Variants in NELL2 observed in about 807,000 individuals in gnomAD.
The protein encoded by NELL2 is protein kinase C-binding protein NELL2.
In NELL2, 41 loss-of-function variants were observed where a neutral mutation model predicts 109.6. The observed-to-expected ratio is 0.37, with a 90% CI of 0.29 to 0.49. The LOEUF is 0.49. NELL2 is among the 20% of genes least tolerant of loss of function. The pLI, the probability that NELL2 is intolerant of heterozygous loss-of-function variation, is 0.98. For missense variants in NELL2, 900 were observed against 1,008.3 expected, an observed-to-expected ratio of 0.89 and a Z score of 1.45; for synonymous variants, 355 against 344.7, an observed-to-expected ratio of 1.03 and a Z score of -0.33.
intron 3 of NELL2, among the ~76,000 whole-genome samples, chr12:44,792,833 C>T (rs138883700): frequency 0.014 from 2,197 of 152,216 alleles, 52 homozygotes; most frequent in African/African-American, 0.05. Context: ...CTACCAACAC[C>T]TTAAATGTGC....
intron 13 of NELL2, among the ~76,000 whole-genome samples, chr12:44,624,975 C>T (rs1169837211): frequency 8.2e-6 from 1 of 121,592 alleles, no homozygotes; most frequent in African/African-American, 3.0e-5. Flanking sequence ...GAGAAGATGA[C>T]AAATATATAT....
intron 2 of NELL2, among the ~76,000 whole-genome samples, chr12:44,833,005 T>C (rs1943933481): frequency 6.6e-6 from 1 of 152,214 alleles, no homozygotes; most frequent in Non-Finnish European, 1.5e-5. Flanking sequence ...AAATAATTAC[T>C]AACTGAATGC....
chr12:44,585,328 G>T (rs747900048), intron 15 of NELL2, among the ~76,000 whole-genome samples: 1 of 152,098 alleles, frequency 6.6e-6, no homozygotes, highest in South Asian at 2.1e-4. Context: ...GAGGCTGGGC[G>T]CAGTGGCTCA....
chr12:44,768,397 A>G (rs1024176824), intron 9 of NELL2, among the ~76,000 whole-genome samples: 4 of 152,118 alleles, frequency 2.6e-5, no homozygotes, highest in Admixed American at 2.0e-4. Flanking sequence ...CTCTCTTTAA[A>G]AATTTAGCTA....
chr12:44,570,431 G>A (rs970396075), intron 15 of NELL2, among the ~76,000 whole-genome samples: 16 of 152,202 alleles, frequency 1.1e-4, no homozygotes, highest in South Asian at 6.2e-4. Context: ...CTCCTATTAC[G>A]TGGCCAGTTT....
rs531987318 is a variant in NELL2, at chr12:44,901,415, C to G, written c.38+12384G>C. 3.3e-5 allele frequency among the ~76,000 whole-genome samples: 5 copies of G among 152,234 alleles called. No individual in the cohort carries two copies. In the East Asian group the frequency reaches 9.7e-4, roughly 29 times the overall value. ...AATTGAGGCAGTAATTAATAGCCTA[C>G]AAACAAAAACCAGCCTAGAACCAGA... On this transcript the variant is annotated intron_variant, in intron 1 of 20. Transcript: ENST00000333837.
chr12:44,895,721 T>C (rs995472945), intron 1 of NELL2, among the ~76,000 whole-genome samples: 1 of 152,114 alleles, frequency 6.6e-6, no homozygotes, highest in Non-Finnish European at 1.5e-5. Flanking sequence ...AAATCATATA[T>C]CACCCCCTAA....
At chr12:44,819,058 A>T (rs1372938316) in intron 2 of NELL2, among the ~76,000 whole-genome samples, 3 of 152,078 alleles carry the variant, frequency 2.0e-5, no homozygotes, top group African/African-American at 4.8e-5. Flanking sequence ...CTTATTTTTT[A>T]ATTTTGTTCT....
chr12:44,508,942 C>G lies in NELL2; in HGVS notation c.2443G>C (p.Glu815Gln). ...CCSVDPQCLQ[E>Q]L ...CCATGAGACAGTTAACTTCACAGTT[C>G]CTGAAGGCACTGTGGATCCACTGAG... Residue 815 changes from glutamate to glutamine, a missense_variant, in exon 20 of 20, where the codon GAA (glutamate) becomes CAA (glutamine). Coordinates refer to ENST00000429094, the MANE Select transcript of NELL2 (RefSeq NM_001145108.2). The G allele has an allele frequency of 6.2e-7, 1 of 1,612,358 alleles. No individual in the cohort carries two copies. The highest frequency in any genetic ancestry group is 8.5e-7 in the Non-Finnish European group (1 of 1,178,918).
At chr12:44,523,822 A>C (rs1352444878) in intron 16 of NELL2, among the ~76,000 whole-genome samples, 1 of 152,218 alleles carries the variant, frequency 6.6e-6, no homozygotes, top group African/African-American at 2.4e-5. Context: ...TTAGCAGTGG[A>C]AATTCTAAAA....
In NELL2 at chr12:44,756,308, C is replaced by T. The variant is rs1002995138; in HGVS notation, c.994+18439G>A. Among the ~76,000 whole-genome samples the T allele has an allele frequency of 2.6e-5, 4 of 151,898 alleles. No homozygotes were observed. The East Asian group carries it at 7.7e-4, about 29-fold the overall frequency. ...TACATGTTCAACCTTTCTCTCTCTC[C>T]TTATCTCTCATTTTCTCTCTCTTTT... is the stretch of plus-strand genomic sequence containing the variant. On this transcript the variant is annotated intron_variant, in intron 9 of 19. Coordinates refer to ENST00000429094, the MANE Select transcript of NELL2 (RefSeq NM_001145108.2).
intron 2 of NELL2, among the ~76,000 whole-genome samples, chr12:44,842,072 CAAGT>C: frequency 1.8e-5 from 1 of 55,310 alleles, no homozygotes; most frequent in Non-Finnish European, 3.4e-5. Context: ...AAGAAGAAAG[CAAGT>C]AAGGACGGAA....
rs138598324 is a variant in NELL2, at chr12:44,650,254, A to C, written c.1444+15230T>G. On this transcript the variant is annotated intron_variant, in intron 13 of 19. Coordinates refer to ENST00000429094, the MANE Select transcript of NELL2 (RefSeq NM_001145108.2). ...ATCTATTGAAGATATTGAAGAACAG[A>C]CTGCCTGTTGTGGACTGAATGTCTT... Among the ~76,000 whole-genome samples the C allele has an allele frequency of 1.9e-3, 285 of 151,784 alleles. 2 individuals carry two copies. Among genetic ancestry groups the C allele is most frequent in the African/African-American group, 6.4e-3 (264 of 41,384 alleles).
rs114109301 is a variant in NELL2, at chr12:44,514,190, A to T, written c.2401-5206T>A. 1.6e-3 allele frequency among the ~76,000 whole-genome samples: 240 copies of T among 152,046 alleles called. 1 individual carries two copies. The highest frequency in any genetic ancestry group is 5.6e-3 in the African/African-American group (233 of 41,564). The stretch of plus-strand genomic sequence containing the variant: ...TATGTCCAGTGAAAATATTCTTCAA[A>T]TATAAAGACACTTTCAGATAAATAA... On this transcript the variant is annotated intron_variant, in intron 19 of 19. Transcript: ENST00000429094.
rs555853664 is a variant in NELL2, at chr12:44,725,462, A to G, written c.995-10721T>C. 5.3e-5 allele frequency among the ~76,000 whole-genome samples: 8 copies of G among 152,308 alleles called. No homozygotes were observed. The East Asian group carries it at 1.5e-3, about 29-fold the overall frequency. On this transcript the variant is annotated intron_variant, in intron 9 of 19. Coordinates refer to ENST00000429094, the MANE Select transcript of NELL2 (RefSeq NM_001145108.2). ...AGTATGGTGATTCCTCAAAAAAACT[A>G]AAAGCAGAACTCCCATTCAGCCCAG... is the stretch of plus-strand genomic sequence containing the variant.
intron 2 of NELL2, among the ~76,000 whole-genome samples, chr12:44,845,742 C>T (rs964097417): frequency 6.6e-6 from 1 of 152,094 alleles, no homozygotes; most frequent in Non-Finnish European, 1.5e-5. Flanking sequence ...CATGCACATA[C>T]ACACACACAG....
intron 2 of NELL2, among the ~76,000 whole-genome samples, chr12:44,825,812 G>A (rs146356538): frequency 0.014 from 2,055 of 151,628 alleles, 46 homozygotes; most frequent in African/African-American, 0.047. Flanking sequence ...TTGGGAGGCC[G>A]AGGCGAGTGG....
At chr12:44,682,408 A>G (rs1239657775) in intron 12 of NELL2, among the ~76,000 whole-genome samples, 1 of 151,810 alleles carries the variant, frequency 6.6e-6, no homozygotes, top group Non-Finnish European at 1.5e-5. Flanking sequence ...GCTGTGCAGA[A>G]GCTCTTTAGT....
chr12:44,817,344 A>T (rs1250611326), intron 2 of NELL2, among the ~76,000 whole-genome samples: 4 of 152,304 alleles, frequency 2.6e-5, no homozygotes, highest in African/African-American at 9.6e-5. Context: ...CATAATGCTA[A>T]TGTAATCACC....
Sources: gnomAD v4.1 joint callset for allele counts (sites outside exome capture counted in the v4.1 genomes callset) on GRCh38, gnomAD v4.1.1 for gene constraint, MANE v1.5 for transcripts, NCBI Gene and HGNC (gene_info 2026-07-23, HGNC 2026-07-21) for gene names.